MYLK: variants seen among roughly 807,000 people sequenced by gnomAD.
The protein encoded by MYLK is myosin light chain kinase, smooth muscle.
Under a neutral mutation model 203.4 loss-of-function variants are expected in MYLK, and 106 were observed. The ratio of observed to expected loss-of-function variants is 0.52; its 90% CI spans 0.45 to 0.61. The LOEUF (loss-of-function observed/expected upper bound fraction) is 0.61, where lower values mean the gene tolerates loss of function less well. MYLK is among the 20% of genes least tolerant of loss of function. The pLI is 0.00. For missense variants in MYLK, 2,072 were observed against 2,442.3 expected, an observed-to-expected ratio of 0.85 and a Z score of 3.20; for synonymous variants, 867 against 959.5, an observed-to-expected ratio of 0.90 and a Z score of 1.78.
rs549307081 is a variant in MYLK, at chr3:123,664,400, T to G, written c.3832-142A>C. ...GCTCAGTCTGGTCTGGACTCTGCCCTTCTCCCTGAGGCCCCTTCTCTCCTA... is the reference window on the plus strand; with the variant it reads ...GCTCAGTCTGGTCTGGACTCTGCCCGTCTCCCTGAGGCCCCTTCTCTCCTA... On this transcript the variant is annotated intron_variant, in intron 22 of 33. Coordinates refer to ENST00000360304, the MANE Select transcript of MYLK (RefSeq NM_053025.4). 1.2e-5 allele frequency: 14 copies of G among 1,199,086 alleles called. No homozygotes were observed. In the Admixed American group the frequency reaches 2.6e-4, roughly 23 times the overall value. The allele number at this position is 1,199,086 out of a possible 1,614,324, so 74.3% of individuals were successfully genotyped here.
intron 3 of MYLK, among the ~76,000 whole-genome samples, chr3:123,820,309 G>C (rs1368792289): frequency 6.6e-6 from 1 of 152,190 alleles, no homozygotes; most frequent in Non-Finnish European, 1.5e-5. Context: ...GGGAAGTACA[G>C]ATACTGCCAG....
Position 123,775,988 on chromosome 3 carries a change from A to G in MYLK, c.165+17689T>C, listed in dbSNP as rs113880675. On this transcript the variant is annotated intron_variant, in intron 4 of 33. Coordinates refer to ENST00000360304, the MANE Select transcript of MYLK (RefSeq NM_053025.4). ...CTAGGATGAACAGGCCTGATCTCTG[A>G]GTCTGCTTGCTGTTCTCGCTCCCTC... 7.1e-3 allele frequency among the ~76,000 whole-genome samples: 1,077 copies of G among 152,250 alleles called. 14 individuals carry two copies. Among genetic ancestry groups the G allele is most frequent in the Middle Eastern group, 0.024 (7 of 294 alleles).
chr3:123,770,325 A>C (rs1232211191), intron 4 of MYLK, among the ~76,000 whole-genome samples: 3 of 152,212 alleles, frequency 2.0e-5, no homozygotes, highest in Non-Finnish European at 2.9e-5. Context: ...ATGCTTTCTC[A>C]AAATAAAATA....
intron 11 of MYLK, among the ~76,000 whole-genome samples, chr3:123,726,843 A>AG (rs2062305959): frequency 6.6e-6 from 1 of 152,244 alleles, no homozygotes; most frequent in Admixed American, 6.5e-5. Flanking sequence ...TATGACAACC[A>AG]GAACATGCTG....
chr3:123,736,890 TC>T (rs1478919684), intron 8 of MYLK, among the ~76,000 whole-genome samples: 2 of 152,128 alleles, frequency 1.3e-5, no homozygotes, highest in Non-Finnish European at 2.9e-5. Context: ...GCATCTTCCC[TC>T]GTGGCCAGGT....
In MYLK at chr3:123,614,491, T is replaced by G. The variant is rs1279338885; in HGVS notation, c.5501-142A>C. 3 of 854,606 alleles carry G rather than the reference T, an allele frequency of 3.5e-6. No individual in the cohort carries two copies. The African/African-American group carries it at 5.0e-5, about 14-fold the overall frequency. 52.9% of individuals were successfully genotyped at this position (854,606 alleles called of 1,614,324 possible). On this transcript the variant is annotated intron_variant, in intron 33 of 33. Coordinates refer to ENST00000360304, the MANE Select transcript of MYLK (RefSeq NM_053025.4). ...TGATGTTGGCCTTTATCGACTGTTT[T>G]GATATCTACATTAGAATATGGACAT...
At chr3:123,728,076 C>T (rs1310914919) in intron 11 of MYLK, among the ~76,000 whole-genome samples, 1 of 152,026 alleles carries the variant, frequency 6.6e-6, no homozygotes, top group Admixed American at 6.6e-5. Flanking sequence ...TGTGGAATGG[C>T]AAAGTAAAGA....
chr3:123,680,351 T>G (rs960590549), intron 20 of MYLK, among the ~76,000 whole-genome samples: 1 of 152,178 alleles, frequency 6.6e-6, no homozygotes, highest in Non-Finnish European at 1.5e-5. Flanking sequence ...GCCCTGTAGC[T>G]TCTGCACCCA....
intron 10 of MYLK, 99 bp downstream of exon 10, chr3:123,733,588 T>A: frequency 7.0e-7 from 1 of 1,431,330 alleles, no homozygotes. Flanking sequence ...AGAAGATGAG[T>A]GGATATAGGT....
intron 16 of MYLK, among the ~76,000 whole-genome samples, chr3:123,702,732 T>C (rs1044225787): frequency 6.6e-6 from 1 of 152,256 alleles, no homozygotes; most frequent in African/African-American, 2.4e-5. Flanking sequence ...TTCATGCCTG[T>C]AATCCCAGCA....
chr3:123,743,561 G>T (rs1198585499), intron 5 of MYLK, among the ~76,000 whole-genome samples: 2 of 152,134 alleles, frequency 1.3e-5, no homozygotes, highest in Non-Finnish European at 2.9e-5. Flanking sequence ...AGTGGAAAGG[G>T]GATTAAAGTA....
chr3:123,846,448 T>C (rs1254139397), intron 2 of MYLK, among the ~76,000 whole-genome samples: 1 of 152,190 alleles, frequency 6.6e-6, no homozygotes, highest in African/African-American at 2.4e-5. Context: ...CTGCTATATA[T>C]AGTATGCATA....
intron 3 of MYLK, among the ~76,000 whole-genome samples, chr3:123,825,217 C>T (rs1435345849): frequency 6.6e-6 from 1 of 151,818 alleles, no homozygotes; most frequent in African/African-American, 2.4e-5. Context: ...CTGAAAATAC[C>T]TATGGAGGAA....
intron 13 of MYLK, among the ~76,000 whole-genome samples, chr3:123,717,072 T>G (rs1457554660): frequency 6.6e-6 from 1 of 152,242 alleles, no homozygotes; most frequent in East Asian, 1.9e-4. Context: ...AAAGGCAAGT[T>G]AAAACTGGTA....
In MYLK at chr3:123,784,376, C is replaced by CTT. The variant is rs576849217; in HGVS notation, c.165+9299_165+9300dup. Among the ~76,000 whole-genome samples, 2,232 of 78,752 alleles carry CTT rather than the reference C, an allele frequency of 0.028. 436 individuals are homozygous for CTT. In the East Asian group the frequency reaches 0.33, roughly 12 times the overall value. The allele number at this position is 78,752 out of a possible 152,430, so 51.7% of individuals were successfully genotyped here. On this transcript the variant is annotated intron_variant, in intron 4 of 33. Transcript: ENST00000360304. ...CAAATACGGCTCATGGGTTGACTTT[C>CTT]TTTTTTTTTTTTTTTTTTTTTTTTT...
chr3:123,642,752 C>T lies in MYLK; in HGVS notation c.4620-2248G>A, dbSNP rs1348972685. Among the ~76,000 whole-genome samples, 1 of 152,208 alleles carries T rather than the reference C, an allele frequency of 6.6e-6. No individual in the cohort carries two copies. The highest frequency in any genetic ancestry group is 1.5e-5 in the Non-Finnish European group (1 of 68,042). On this transcript the variant is annotated intron_variant, in intron 27 of 33. Transcript: ENST00000360304. This position sits in a 1 kb window ranked among gnomAD's most constrained non-coding sequence, Gnocchi z 4.2. ...TCTGTAAGATGCAGATTAAAAACAG[C>T]CTCACCTCACAGGGTGGCTTCAAAG...
rs143883002 is a variant in MYLK, at chr3:123,637,140, T to C, written c.4961+931A>G. Among the ~76,000 whole-genome samples, 154 of 152,288 alleles carry C rather than the reference T, an allele frequency of 1.0e-3. 1 individual carries two copies. Among genetic ancestry groups the C allele is most frequent in the African/African-American group, 3.5e-3 (147 of 41,554 alleles). On this transcript the variant is annotated intron_variant, in intron 29 of 33. Coordinates refer to ENST00000360304, the MANE Select transcript of MYLK (RefSeq NM_053025.4). Reference sequence around the variant, plus strand: ...TTTTGTTCTGACAGTAAAAACATTATTGAATGAAAGCATACACATCTGCAT... The same window carrying C: ...TTTTGTTCTGACAGTAAAAACATTACTGAATGAAAGCATACACATCTGCAT...
chr3:123,876,289 T>C (rs2033146751), intron 2 of MYLK, among the ~76,000 whole-genome samples: 2 of 152,082 alleles, frequency 1.3e-5, no homozygotes, highest in South Asian at 4.1e-4. Context: ...AAAAACAGCA[T>C]TTCACCTTGA....
At chr3:123,835,961 A>C (rs1309744182) in intron 2 of MYLK, 1 of 152,222 alleles carries the variant, frequency 6.6e-6, no homozygotes, top group Non-Finnish European at 1.5e-5. Flanking sequence ...GAATACAAAC[A>C]GAAAGGCCTT....
Sources: allele counts gnomAD v4.1 joint callset (sites outside exome capture counted in the v4.1 genomes callset), GRCh38; gene constraint gnomAD v4.1.1; non-coding constraint Gnocchi (gnomAD v3.1); transcripts MANE v1.5; gene names NCBI Gene and HGNC (gene_info 2026-07-23, HGNC 2026-07-21).